SH3GL3: variants seen among roughly 807,000 people sequenced by gnomAD.
SH3GL3 encodes SH3 domain containing GRB2 like 3, endophilin A3, also known as endophilin-A3.
In SH3GL3, 33 loss-of-function variants were observed where a neutral mutation model predicts 47.7. The ratio of observed to expected loss-of-function variants is 0.69; its 90% CI spans 0.52 to 0.92. SH3GL3 has a LOEUF of 0.92. Among genes scored for constraint, SH3GL3 ranks in the 40% least tolerant of loss-of-function variants. The pLI, the probability that SH3GL3 is intolerant of heterozygous loss-of-function variation, is 0.00. For missense variants in SH3GL3, 363 were observed against 417.8 expected, an observed-to-expected ratio of 0.87 and a Z score of 1.14; for synonymous variants, 155 against 148.8, an observed-to-expected ratio of 1.04 and a Z score of -0.30.
chr15:83,608,158 G>T (rs1410363193), intron 8 of SH3GL3, among the ~76,000 whole-genome samples: 1 of 152,162 alleles, frequency 6.6e-6, no homozygotes, highest in Admixed American at 6.5e-5. Context: ...CAATGATTAA[G>T]CTTGAGTTCC....
At chr15:83,457,490 C>G (rs1178200089) in intron 1 of SH3GL3, among the ~76,000 whole-genome samples, 1 of 152,160 alleles carries the variant, frequency 6.6e-6, no homozygotes. Context: ...TCATGAGGGG[C>G]CTGGACGTAT....
At chr15:83,458,147 A>C (rs893891836) in intron 1 of SH3GL3, among the ~76,000 whole-genome samples, 3 of 152,180 alleles carry the variant, frequency 2.0e-5, no homozygotes, top group Admixed American at 6.5e-5. Flanking sequence ...TATTCTGGAG[A>C]ATCTTTAGCA....
chr15:83,493,279 G>C (rs182458194), intron 1 of SH3GL3, among the ~76,000 whole-genome samples: 90 of 152,260 alleles, frequency 5.9e-4, no homozygotes, highest in Middle Eastern at 6.8e-3. Context: ...GGACTATAAG[G>C]TGGGCAAAAC....
At chr15:83,497,295 A>C (rs1404862080) in intron 1 of SH3GL3, among the ~76,000 whole-genome samples, 1 of 151,758 alleles carries the variant, frequency 6.6e-6, no homozygotes, top group Non-Finnish European at 1.5e-5. Context: ...ACTGACACTT[A>C]CCTTGAGGTT....
intron 2 of SH3GL3, among the ~76,000 whole-genome samples, chr15:83,563,163 G>T (rs944050261): frequency 4.6e-5 from 7 of 152,124 alleles, no homozygotes; most frequent in African/African-American, 7.2e-5. Context: ...AAAATGATTT[G>T]TCTTCTATTA....
intron 2 of SH3GL3, 87 bp downstream of exon 2, chr15:83,559,408 G>A (rs1291397297): frequency 1.3e-5 from 10 of 782,194 alleles, no homozygotes; most frequent in Non-Finnish European, 2.0e-5. Context: ...ATATTCGAGT[G>A]GAAATCTAGG....
the SH3GL3 span, among the ~76,000 whole-genome samples, chr15:83,627,396 CAA>C: frequency 4.8e-4 from 36 of 75,318 alleles, no homozygotes; most frequent in African/African-American, 1.4e-3. Context: ...GATGCCGTCT[CAA>C]AAAAAAAAAA....
intron 8 of SH3GL3, among the ~76,000 whole-genome samples, chr15:83,589,812 AG>A (rs1271798681): frequency 6.6e-6 from 1 of 152,118 alleles, no homozygotes; most frequent in Non-Finnish European, 1.5e-5. Flanking sequence ...ACAGCTTCAT[AG>A]TTTTCTATTA....
chr15:83,536,410 T>C (rs113494752), intron 1 of SH3GL3, among the ~76,000 whole-genome samples: 44 of 46,598 alleles, frequency 9.4e-4, no homozygotes, highest in African/African-American at 5.6e-3. Context: ...CTTTTCTTTT[T>C]TTTTTTTTTT....
chr15:83,629,637 C>T, the SH3GL3 span, among the ~76,000 whole-genome samples: 2 of 152,044 alleles, frequency 1.3e-5, no homozygotes, highest in African/African-American at 4.8e-5. Context: ...CTGGCCAATA[C>T]AGTGAGATCC....
intron 2 of SH3GL3, among the ~76,000 whole-genome samples, chr15:83,562,030 A>AACACACACACACACACACACACACAC (rs55856428): frequency 6.0e-5 from 8 of 132,978 alleles, no homozygotes; most frequent in Non-Finnish European, 9.8e-5. Flanking sequence ...ACACACACAC[A>AACACACACACACACACACACACACAC]ACACACACAC....
chr15:83,600,313 A>G (rs747000293), intron 8 of SH3GL3, among the ~76,000 whole-genome samples: 34 of 152,214 alleles, frequency 2.2e-4, no homozygotes, highest in Non-Finnish European at 4.3e-4. Flanking sequence ...TAGAATTTTT[A>G]TAGTTTCAGG....
intron 1 of SH3GL3, among the ~76,000 whole-genome samples, chr15:83,533,399 A>G (rs2043768606): frequency 6.6e-6 from 1 of 152,200 alleles, no homozygotes; most frequent in Non-Finnish European, 1.5e-5. Flanking sequence ...GAAGGGGTTC[A>G]TATAGGAGCT....
chr15:83,590,856 C>T (rs925690914), intron 8 of SH3GL3, among the ~76,000 whole-genome samples: 5 of 152,264 alleles, frequency 3.3e-5, no homozygotes, highest in African/African-American at 4.8e-5. Flanking sequence ...TATATTCTCT[C>T]GCTCTGTAGC....
chr15:83,567,515 A>G (rs1049805741), intron 3 of SH3GL3, among the ~76,000 whole-genome samples: 6 of 152,136 alleles, frequency 3.9e-5, no homozygotes, highest in African/African-American at 1.4e-4. Flanking sequence ...GGAAGGTAAG[A>G]CGCAGTGATG....
At chr15:83,575,917 A>G (rs555572698) in intron 5 of SH3GL3, among the ~76,000 whole-genome samples, 2 of 152,100 alleles carry the variant, frequency 1.3e-5, no homozygotes, top group African/African-American at 2.4e-5. Context: ...CTTGGACACA[A>G]ACTGTGATGG....
chr15:83,459,211 G>C (rs888362252), intron 1 of SH3GL3, among the ~76,000 whole-genome samples: 16 of 152,208 alleles, frequency 1.1e-4, no homozygotes, highest in Non-Finnish European at 5.9e-5. Flanking sequence ...TTCTAGCTGC[G>C]CTGTCGGCTG....
At chr15:83,513,399 A>T (rs1343347605) in intron 1 of SH3GL3, among the ~76,000 whole-genome samples, 1 of 152,042 alleles carries the variant, frequency 6.6e-6, no homozygotes, top group East Asian at 1.9e-4. Context: ...CCCCAACTCC[A>T]CTCAAACCCT....
chr15:83,447,472 G>C lies in SH3GL3; in HGVS notation c.-62G>C. On this transcript the variant is annotated 5_prime_UTR_variant, in exon 1 of 9. Transcript: ENST00000427482. The surrounding 1 kb of genome is among the most constrained non-coding windows in gnomAD (Gnocchi z 5.1). ...GCCCGGGCTCCCGCTCCCCGAGCGC[G>C]TCGCGGCCGCGTGGCCCAGCCGAGC... The C allele has an allele frequency of 7.1e-7, 1 of 1,415,988 alleles. No individual in the cohort carries two copies. The highest frequency in any genetic ancestry group is 3.1e-5 in the East Asian group (1 of 32,062). 87.7% of individuals were successfully genotyped at this position (1,415,988 alleles called of 1,614,324 possible).
Sources: gnomAD v4.1 joint callset for allele counts (sites outside exome capture counted in the v4.1 genomes callset) on GRCh38, gnomAD v4.1.1 for gene constraint, Gnocchi (gnomAD v3.1) non-coding constraint, MANE v1.5 for transcripts, NCBI Gene and HGNC (gene_info 2026-07-23, HGNC 2026-07-21) for gene names.